The following FUS variants were observed in gnomAD, a reference collection of about 807,000 sequenced individuals.
The protein encoded by FUS is FUS RNA binding protein.
In FUS, 5 loss-of-function variants were observed where a neutral mutation model predicts 82.7. That is an observed-to-expected ratio of 0.06 (90% CI 0.03 to 0.13). FUS has a LOEUF of 0.13. Ranked by LOEUF, FUS falls within the 10% of genes least tolerant of loss-of-function variation. FUS has a pLI of 1.00. For synonymous variants in FUS, 281 were observed against 247.4 expected (o/e 1.14, Z -1.27); for missense variants, 512 against 707.8 (o/e 0.72, Z 3.14).
chr16:31,180,236 G>A lies in FUS; in HGVS notation c.13+9G>A. On this transcript the variant is annotated intron_variant, in intron 1 of 14. Transcript: ENST00000254108. ...GGACATGGCCTCAAACGGTAGGTAA[G>A]GGCGCGAGGCGACGGCGGCGGCGCA... 6.2e-7 allele frequency: 1 copy of A among 1,610,066 alleles called. No homozygotes were observed. The highest frequency in any genetic ancestry group is 1.1e-5 in the South Asian group (1 of 90,440).
chr16:31,188,408 C>G (rs2079303450), intron 8 of FUS, 51 bp downstream of exon 8: 1 of 1,580,266 alleles, frequency 6.3e-7, no homozygotes, highest in African/African-American at 1.4e-5. Context: ...GGTATCAAGA[C>G]TGCCTGGATG....
chr16:31,190,261 T>G lies in FUS; in HGVS notation c.1169-14T>G, dbSNP rs2079333283. On this transcript the variant is annotated splice_polypyrimidine_tract_variant and intron_variant, in intron 11 of 14. Transcript: ENST00000254108. ...GGAGAGGGAGCAGACCCATACTTGGTCTATCTGCATTAGGACCCATGGGCC... is the reference window on the plus strand; with the variant it reads ...GGAGAGGGAGCAGACCCATACTTGGGCTATCTGCATTAGGACCCATGGGCC... 1.2e-6 allele frequency: 2 copies of G among 1,614,060 alleles called. No homozygotes were observed. Among genetic ancestry groups the G allele is most frequent in the Non-Finnish European group, 1.7e-6 (2 of 1,180,006 alleles).
downstream of FUS, chr16:31,191,623 CT>C: frequency 1.4e-6 from 1 of 733,184 alleles, no homozygotes; most frequent in Non-Finnish European, 2.4e-6. Context: ...CCTCTTCCCC[CT>C]TTTCACTTTC....
At chr16:31,191,688 C>A, downstream of FUS, 2 of 686,266 alleles carry the variant, frequency 2.9e-6, no homozygotes, top group Non-Finnish European at 5.3e-6. Flanking sequence ...GTTCAGATTA[C>A]CCTGCCCAGC....
At chr16:31,184,066 G>C (rs2079222104) in intron 4 of FUS, 64 bp downstream of exon 4, 1 of 1,612,796 alleles carries the variant, frequency 6.2e-7, no homozygotes, top group Admixed American at 1.7e-5. Context: ...GAATGATAAA[G>C]GGACCAGCAG....
chr16:31,180,684 G>A lies in FUS; in HGVS notation c.13+457G>A, dbSNP rs529501742. On this transcript the variant is annotated intron_variant, in intron 1 of 14. Transcript: ENST00000254108. ...CCGCCTCGTGTTGGTTCAGCTTTCTGTCGCGAGACCCTTCGCGGAAGACTC... is the reference window on the plus strand; with the variant it reads ...CCGCCTCGTGTTGGTTCAGCTTTCTATCGCGAGACCCTTCGCGGAAGACTC... 2.0e-5 allele frequency among the ~76,000 whole-genome samples: 3 copies of A among 152,282 alleles called. No homozygotes were observed. In the East Asian group the frequency reaches 5.8e-4, roughly 30 times the overall value.
In FUS at chr16:31,191,377, ATTTTTT is replaced by A; in HGVS notation, c.1542-10_1542-5del. ...GTAACTCAAATATAATGGATACTTAATTTTTTTTTTTTTTTTTGCAGGGGTGAGCAC... is the reference window on the plus strand; with the variant it reads ...GTAACTCAAATATAATGGATACTTAATTTTTTTTTTTGCAGGGGTGAGCAC... On this transcript the variant is annotated splice_polypyrimidine_tract_variant and intron_variant, in intron 14 of 14. Transcript: ENST00000254108. 2.6e-6 allele frequency: 4 copies of A among 1,526,878 alleles called. No homozygotes were observed. Among genetic ancestry groups the A allele is most frequent in the Admixed American group, 3.6e-5 (2 of 55,420 alleles). The allele number at this position is 1,526,878 out of a possible 1,614,324, so 94.6% of individuals were successfully genotyped here.
rs80060438 is a variant in FUS at position 31,182,618 on chromosome 16, A to G, written c.144A>G (p.Ser48=). 91 of 1,614,234 alleles carry G rather than the reference A, an allele frequency of 5.6e-5. No homozygotes were observed. The African/African-American group carries it at 1.1e-3, about 20-fold the overall frequency. ...GTTATAGCCAGTCCACGGACACTTCAGGCTATGGCCAGAGCAGCTATTCTT... is the reference window on the plus strand; with the variant it reads ...GTTATAGCCAGTCCACGGACACTTCGGGCTATGGCCAGAGCAGCTATTCTT... ...YSGYSQSTDT[S]GYGQSSYSSY... The change falls in exon 3 of 15, where the codon TCA becomes TCG. Residue 48 remains serine, a synonymous_variant. Coordinates refer to ENST00000254108, the MANE Select transcript of FUS (RefSeq NM_004960.4).
At chr16:31,180,840 A>G (rs1256764766) in intron 1 of FUS, among the ~76,000 whole-genome samples, 1 of 151,752 alleles carries the variant, frequency 6.6e-6, no homozygotes, top group Non-Finnish European at 1.5e-5. Context: ...CTCTAGCTTA[A>G]CGGTTTGGCG....
chr16:31,192,898 CA>C, downstream of FUS: 1 of 486,384 alleles, frequency 2.1e-6, no homozygotes, highest in Non-Finnish European at 4.1e-6. Flanking sequence ...AAGTGTTCCA[CA>C]AGTATGTTCT....
At chr16:31,185,485 A>G (rs2079255427) in intron 6 of FUS, 6 of 616,194 alleles carry the variant, frequency 9.7e-6, no homozygotes, top group South Asian at 1.5e-5. Context: ...GGCAAGAAAC[A>G]TGGAAGTGAA....
At chr16:31,189,954 C>A in intron 10 of FUS, 86 bp from the exon 11 acceptor site, 1 of 1,554,780 alleles carries the variant, frequency 6.4e-7, no homozygotes, top group Non-Finnish European at 8.8e-7. Context: ...AGATTATAAA[C>A]CATTTGAGAA....
intron 7 of FUS, 106 bp downstream of exon 7, chr16:31,186,942 G>A (rs1017784845): frequency 1.3e-5 from 15 of 1,178,830 alleles, no homozygotes; most frequent in Non-Finnish European, 1.8e-5. Context: ...AGGTTTTGAG[G>A]TGTCCAGAAC....
rs770753372 is a variant in FUS, at chr16:31,185,076, AGTGGTGGCGGCGGCGGCGGCGGCG to A, written c.669_692del (p.Gly224_Gly231del). On this transcript the variant is annotated inframe_deletion, in exon 6 of 15. Coordinates refer to ENST00000254108, the MANE Select transcript of FUS (RefSeq NM_004960.4). ...CCGTGGAGGCCGCGGCAGGGGTGGC[AGTGGTGGCGGCGGCGGCGGCGGCG>A]GTGGTGGTTACAACCGCAGCAGTGG... 3.7e-6 allele frequency: 6 copies of A among 1,609,670 alleles called. No homozygotes were observed. Among genetic ancestry groups the A allele is most frequent in the Non-Finnish European group, 5.1e-6 (6 of 1,177,888 alleles).
intron 1 of FUS, among the ~76,000 whole-genome samples, chr16:31,180,725 G>T (rs1236257480): frequency 2.0e-5 from 3 of 152,194 alleles, no homozygotes; most frequent in African/African-American, 7.2e-5. Context: ...CGCGCGTCCG[G>T]TGTGAGCCTT....
In FUS at chr16:31,190,385, A is replaced by G; in HGVS notation, c.1279A>G (p.Lys427Glu). The G allele has an allele frequency of 6.2e-7, 1 of 1,614,134 alleles. No homozygotes were observed. The highest frequency in any genetic ancestry group is 8.5e-7 in the Non-Finnish European group (1 of 1,180,036). Reference protein sequence around the residue: ...GGGQQRAGDWKCPNPTCENMN... With the variant: ...GGGQQRAGDWECPNPTCENMN... ...AGGACAGCAGCGAGCTGGTGACTGGAAGTGTCCTAATCCGTGAGTGAAACT... is the reference window on the plus strand; with the variant it reads ...AGGACAGCAGCGAGCTGGTGACTGGGAGTGTCCTAATCCGTGAGTGAAACT... Residue 427 changes from lysine to glutamate, a missense_variant, in exon 12 of 15, where the codon AAG (lysine) becomes GAG (glutamate). Around this residue, in one of 6 missense-constraint regions of FUS, gnomAD observed 63 missense variants for 83.0 expected, o/e 0.76. Coordinates refer to ENST00000254108, the MANE Select transcript of FUS (RefSeq NM_004960.4).
intron 10 of FUS, 78 bp downstream of exon 10, chr16:31,189,872 G>T (rs1192149206): frequency 3.1e-6 from 5 of 1,610,636 alleles, no homozygotes; most frequent in Non-Finnish European, 4.2e-6. Context: ...ATAGTTTGAG[G>T]GTTCTTTTGA....
downstream of FUS, chr16:31,193,429 G>GA (rs1446438357): frequency 1.9e-6 from 1 of 527,960 alleles, no homozygotes; most frequent in Non-Finnish European, 3.7e-6. Flanking sequence ...GAAATGGCCT[G>GA]ATACGATATT....
downstream of FUS, chr16:31,192,138 G>T (rs967533827): frequency 1.1e-5 from 6 of 530,304 alleles, no homozygotes; most frequent in Non-Finnish European, 1.5e-5. Context: ...CAGCGCTTGG[G>T]TAGATACCTG....
Sources: gnomAD v4.1 joint callset for allele counts (sites outside exome capture counted in the v4.1 genomes callset) on GRCh38, gnomAD v4.1.1 for gene constraint, gnomAD v4.1.1 regional missense constraint, MANE v1.5 for transcripts, NCBI Gene and HGNC (gene_info 2026-07-23, HGNC 2026-07-21) for gene names.